SYNE1: variants seen among roughly 807,000 people sequenced by gnomAD.
The protein encoded by SYNE1 is nesprin-1.
In SYNE1, 616 loss-of-function variants were observed where a neutral mutation model predicts 1,111.0. The ratio of observed to expected loss-of-function variants is 0.55; its 90% CI spans 0.52 to 0.59. The LOEUF (loss-of-function observed/expected upper bound fraction) is 0.59, where lower values mean the gene tolerates loss of function less well. Among genes scored for constraint, SYNE1 ranks in the 20% least tolerant of loss-of-function variants. The pLI, the probability that SYNE1 is intolerant of heterozygous loss-of-function variation, is 0.00. For missense variants in SYNE1, 10,006 were observed against 10,417.0 expected (o/e 0.96, Z 1.72); for synonymous variants, 3,855 against 3,825.8 (o/e 1.01, Z -0.28).
chr6:152,359,846 C>T (rs1465033441), intron 64 of SYNE1, among the ~76,000 whole-genome samples: 4 of 151,776 alleles, frequency 2.6e-5, no homozygotes, highest in Non-Finnish European at 5.9e-5. Context: ...ATGCCATGAC[C>T]TCCCACCCAG....
Position 152,419,722 on chromosome 6 carries a change from C to T in SYNE1, c.5268G>A (p.Arg1756=). The stretch of plus-strand genomic sequence containing the variant: ...CAACCACAGACTGAAGAAAATTAAT[C>T]CTATGTAGACAAAGTATTAAAGTTA... ...WRDLPQIINK[R]INFLQSVVAE... is the part of the protein sequence containing the mutation. Residue 1756 remains arginine, a splice_region_variant and synonymous_variant, in exon 40 of 146, where the codon AGG becomes AGA. Transcript: ENST00000367255. 1 of 1,613,662 alleles carries T rather than the reference C, an allele frequency of 6.2e-7. No homozygotes were observed. The highest frequency in any genetic ancestry group is 8.5e-7 in the Non-Finnish European group (1 of 1,179,710).
chr6:152,201,893 G>A lies in SYNE1; in HGVS notation c.23076C>T (p.Phe7692=), dbSNP rs193001075. ...GGAGAGACTGCGAAAGCTTCTTTTT[G>A]AAAGTTCGTAGTTTCTCCAGGGAAT... ...IADSLEKLRT[F]KKKLSQSLPD... The change falls in exon 127 of 146, where the codon TTC becomes TTT. Residue 7692 remains phenylalanine (F), a synonymous_variant. Transcript: ENST00000367255. 5.0e-6 allele frequency: 8 copies of A among 1,613,764 alleles called. No homozygotes were observed. The highest frequency in any genetic ancestry group is 3.3e-5 in the Admixed American group (2 of 59,988).
Position 152,458,797 on chromosome 6 carries a change from C to G in SYNE1, c.2528G>C (p.Arg843Pro). 6.2e-7 allele frequency: 1 copy of G among 1,614,058 alleles called. No homozygotes were observed. The highest frequency in any genetic ancestry group is 8.5e-7 in the Non-Finnish European group (1 of 1,179,984). ...KINEIITVLE[R>P]EAQSSALFKQ... The stretch of plus-strand genomic sequence containing the variant: ...AAAAAGGGCACTCGATTGTGCCTCA[C>G]GCTCAAGAACTGTGATAATTTCATT... Residue 843 changes from arginine (R) to proline (P), a missense_variant, in exon 22 of 146, where the codon CGT becomes CCT. Coordinates refer to ENST00000367255, the MANE Select transcript of SYNE1 (RefSeq NM_182961.4).
In SYNE1 at chr6:152,225,770, A is replaced by C. The variant is rs769405487; in HGVS notation, c.21302T>G (p.Met7101Arg). Residue 7101 changes from methionine (M) to arginine (R), a missense_variant, in exon 116 of 146, where the codon ATG becomes AGG. Physicochemically the swap from Met to Arg is moderately conservative, Grantham distance 91 (BLOSUM62 -1). This residue lies in a region of SYNE1 where 2,182 missense variants were observed against 2,287.8 expected (regional missense o/e 0.95). Coordinates refer to ENST00000367255, the MANE Select transcript of SYNE1 (RefSeq NM_182961.4). ...NKKEDVSSIV[M>R]STLRELGQTW... is the part of the protein sequence containing the mutation. ...TTGGCCGAGCTCTCGCAGTGTGCTC[A>C]TGACAATGCTAGAGACGTCTTCTTT... The C allele has an allele frequency of 2.7e-5, 44 of 1,614,018 alleles. No homozygotes were observed. Among genetic ancestry groups the C allele is most frequent in the Non-Finnish European group, 3.7e-5 (44 of 1,180,014 alleles).
At chr6:152,593,763 A>G (rs1342402114) in intron 3 of SYNE1, among the ~76,000 whole-genome samples, 7 of 152,098 alleles carry the variant, frequency 4.6e-5, no homozygotes, top group African/African-American at 9.7e-5. Context: ...CCAATTTACT[A>G]TATTTAGAGT....
At chr6:152,265,788 T>G (rs2153664888) in intron 100 of SYNE1, among the ~76,000 whole-genome samples, 1 of 152,276 alleles carries the variant, frequency 6.6e-6, no homozygotes, top group South Asian at 2.1e-4. Context: ...CCATCAACCC[T>G]CGACAAGTAA....
At chr6:152,160,565 T>C (rs372954159) in intron 131 of SYNE1, among the ~76,000 whole-genome samples, 8 of 152,314 alleles carry the variant, frequency 5.3e-5, no homozygotes, top group South Asian at 2.1e-4. Context: ...GCAGCATATA[T>C]AGCATAGTAG....
chr6:152,130,588 G>A (rs1562883346), intron 145 of SYNE1, 132 bp downstream of exon 145: 16 of 839,756 alleles, frequency 1.9e-5, no homozygotes, highest in Non-Finnish European at 1.0e-5. Context: ...TATGAGGAAA[G>A]GGTGTGGACT....
intron 133 of SYNE1, among the ~76,000 whole-genome samples, chr6:152,152,601 A>G (rs2060631291): frequency 6.6e-6 from 1 of 152,230 alleles, no homozygotes; most frequent in South Asian, 2.1e-4. Flanking sequence ...GTTTATTTGT[A>G]AAATATGTAC....
chr6:152,346,031 G>A (rs1233402998), intron 73 of SYNE1, among the ~76,000 whole-genome samples: 2 of 152,142 alleles, frequency 1.3e-5, no homozygotes, highest in African/African-American at 4.8e-5. Context: ...ATTTACTTTT[G>A]TGCTACAAAA....
At chr6:152,455,850 C>G (rs745497712) in intron 23 of SYNE1, 36 bp downstream of exon 23, 2 of 1,613,704 alleles carry the variant, frequency 1.2e-6, no homozygotes, top group Admixed American at 1.7e-5. Context: ...TGCATTTTCC[C>G]TGGCTCACAG....
At chr6:152,249,339 T>A in intron 104 of SYNE1, 77 bp from the exon 105 acceptor site, 1 of 874,684 alleles carries the variant, frequency 1.1e-6, no homozygotes, top group Non-Finnish European at 2.0e-6. Flanking sequence ...ACACAGATTC[T>A]AAGAAATAAC....
chr6:152,141,478 C>T (rs767042173), intron 138 of SYNE1, 149 bp from the exon 139 acceptor site: 10 of 1,064,002 alleles, frequency 9.4e-6, no homozygotes, highest in Middle Eastern at 2.9e-4. Context: ...CCAAGATGGC[C>T]GAGTGTGGTG....
At chr6:152,304,039 A>C (rs2095295564) in intron 91 of SYNE1, among the ~76,000 whole-genome samples, 1 of 152,248 alleles carries the variant, frequency 6.6e-6, no homozygotes, top group Admixed American at 6.5e-5. Context: ...CTTGACTCCT[A>C]ATAGTATAGG....
At chr6:152,586,498 T>C (rs2099539451) in intron 3 of SYNE1, among the ~76,000 whole-genome samples, 1 of 152,188 alleles carries the variant, frequency 6.6e-6, no homozygotes, top group Non-Finnish European at 1.5e-5. Context: ...CATACATTGA[T>C]AATATATGTA....
intron 40 of SYNE1, 66 bp from the exon 41 acceptor site, chr6:152,417,081 A>C: frequency 1.2e-6 from 2 of 1,602,404 alleles, no homozygotes; most frequent in Non-Finnish European, 1.7e-6. Context: ...GGTATTTTAC[A>C]GGATTTGTGA....
rs370016934 is a variant in SYNE1, at chr6:152,399,808, G to A, written c.7045C>T (p.Leu2349Phe). Reference sequence around the variant, plus strand: ...CTGATGTTGCTTTGTTGACTTTGAAGTTCTTTTTGTATATCCTACAGAATA... The same window carrying A: ...CTGATGTTGCTTTGTTGACTTTGAAATTCTTTTTGTATATCCTACAGAATA... ...LKKVKDIQKELQSQQSNISST... is the reference protein window; with the variant it reads ...LKKVKDIQKEFQSQQSNISST... The change falls in exon 48 of 146, where the codon CTT becomes TTT. Residue 2349 changes from leucine (L) to phenylalanine (F), a missense_variant. This residue lies in a region of SYNE1 where 4,955 missense variants were observed against 5,017.2 expected (regional missense o/e 0.99). Coordinates refer to ENST00000367255, the MANE Select transcript of SYNE1 (RefSeq NM_182961.4). The A allele has an allele frequency of 2.2e-4, 352 of 1,613,924 alleles. No individual in the cohort carries two copies. Among genetic ancestry groups the A allele is most frequent in the Non-Finnish European group, 2.6e-4 (303 of 1,179,972 alleles).
At chr6:152,581,620 C>A (rs2099519913) in intron 3 of SYNE1, among the ~76,000 whole-genome samples, 1 of 152,192 alleles carries the variant, frequency 6.6e-6, no homozygotes, top group African/African-American at 2.4e-5. Flanking sequence ...ATTCCTTGTC[C>A]TGTCCTCAGA....
intron 39 of SYNE1, among the ~76,000 whole-genome samples, chr6:152,420,018 T>C (rs2098229943): frequency 6.6e-6 from 1 of 152,200 alleles, no homozygotes; most frequent in African/African-American, 2.4e-5. Context: ...TGTTCCAAAA[T>C]TGAATGAAAT....
Sources: gnomAD v4.1 joint callset for allele counts (sites outside exome capture counted in the v4.1 genomes callset) on GRCh38, gnomAD v4.1.1 for gene constraint, gnomAD v4.1.1 regional missense constraint, MANE v1.5 for transcripts, NCBI Gene and HGNC (gene_info 2026-07-23, HGNC 2026-07-21) for gene names.